NEGR1: variants seen among roughly 807,000 people sequenced by gnomAD.
The protein encoded by NEGR1 is IgLON family member 4.
NEGR1 carries 10 observed loss-of-function variants against 40.9 expected under a neutral mutation model. That is an observed-to-expected ratio of 0.24 (90% confidence interval 0.15 to 0.42). The LOEUF (loss-of-function observed/expected upper bound fraction) is 0.42. Among genes scored for constraint, NEGR1 ranks in the 10% least tolerant of loss-of-function variants. The probability of loss-of-function intolerance (pLI) is 1.00; values close to 1 mark genes in which losing one functional copy is unlikely to be tolerated. For synonymous variants in NEGR1, 185 were observed against 166.8 expected, an observed-to-expected ratio of 1.11 and a Z score of -0.84; for missense variants, 352 against 438.9, an observed-to-expected ratio of 0.80 and a Z score of 1.77.
intron 2 of NEGR1, among the ~76,000 whole-genome samples, chr1:71,777,759 C>A (rs1656562826): frequency 6.6e-6 from 1 of 151,868 alleles, no homozygotes; most frequent in Admixed American, 6.6e-5. Flanking sequence ...TCAAGAAAAT[C>A]AAGAATGATA....
intron 1 of NEGR1, among the ~76,000 whole-genome samples, chr1:72,248,718 G>A (rs969097935): frequency 1.3e-5 from 2 of 150,524 alleles, no homozygotes; most frequent in Non-Finnish European, 1.5e-5. Flanking sequence ...TAGTAGCTGG[G>A]ACTACAGGTG....
intron 1 of NEGR1, among the ~76,000 whole-genome samples, chr1:71,998,790 T>C (rs1396716932): frequency 1.3e-5 from 2 of 151,434 alleles, no homozygotes; most frequent in Non-Finnish European, 3.0e-5. Context: ...GGATGTATTA[T>C]ATAATATTTA....
chr1:71,536,120 T>C (rs1195001530), intron 6 of NEGR1, among the ~76,000 whole-genome samples: 3 of 151,556 alleles, frequency 2.0e-5, no homozygotes, highest in African/African-American at 7.3e-5. Flanking sequence ...CAAAGAAGAA[T>C]GGCATGAGTA....
At chr1:72,060,824 A>G (rs757870871) in intron 1 of NEGR1, among the ~76,000 whole-genome samples, 3 of 151,698 alleles carry the variant, frequency 2.0e-5, no homozygotes, top group Non-Finnish European at 4.4e-5. Context: ...AAGCAGGGCT[A>G]TTTTGACAAG....
chr1:71,585,770 A>T (rs1649286844), intron 6 of NEGR1, among the ~76,000 whole-genome samples: 2 of 151,592 alleles, frequency 1.3e-5, no homozygotes, highest in South Asian at 4.2e-4. Flanking sequence ...TGTAATAAAA[A>T]GGACAATATC....
chr1:71,640,774 G>C (rs1443513772), intron 4 of NEGR1, among the ~76,000 whole-genome samples: 1 of 151,882 alleles, frequency 6.6e-6, no homozygotes, highest in Non-Finnish European at 1.5e-5. Flanking sequence ...ACTCTAACTT[G>C]GAGTGACCAA....
intron 1 of NEGR1, among the ~76,000 whole-genome samples, chr1:71,977,181 C>T (rs1002260181): frequency 7.9e-5 from 12 of 152,004 alleles, no homozygotes; most frequent in African/African-American, 2.9e-4. Context: ...AAAAAATTAG[C>T]TGGGCATGGT....
In NEGR1 at chr1:71,694,606, T is replaced by C. The variant is rs188936672; in HGVS notation, c.667+3402A>G. Among the ~76,000 whole-genome samples the C allele has an allele frequency of 2.6e-5, 4 of 151,830 alleles. No individual in the cohort carries two copies. In the Admixed American group the frequency reaches 2.6e-4, roughly 10 times the overall value. On this transcript the variant is annotated intron_variant, in intron 4 of 6. Coordinates refer to ENST00000357731, the MANE Select transcript of NEGR1 (RefSeq NM_173808.3). The stretch of plus-strand genomic sequence containing the variant: ...GCTAGGTAATTAAATTGAATAGAAA[T>C]CCACAGTGACAGGTATGATGTTATT...
intron 2 of NEGR1, among the ~76,000 whole-genome samples, chr1:71,873,540 T>C (rs535463811): frequency 6.6e-6 from 1 of 152,296 alleles, no homozygotes; most frequent in South Asian, 2.1e-4. Context: ...CCCTAATTCA[T>C]AGCATTATTA....
rs761837398 is a variant in NEGR1, at chr1:71,611,155, GAAAC to G, written c.668-13_668-10del. ...CTGAATAGTAGGAGCAACTGCAAAAGAAACAAACAAACAAATACTAGTAGATAAG... is the reference window on the plus strand; with the variant it reads ...CTGAATAGTAGGAGCAACTGCAAAAGAAACAAACAAATACTAGTAGATAAG... On this transcript the variant is annotated splice_polypyrimidine_tract_variant and intron_variant, in intron 4 of 6. Transcript: ENST00000357731. 1.2e-5 allele frequency: 20 copies of G among 1,611,738 alleles called. No homozygotes were observed. The highest frequency in any genetic ancestry group is 6.7e-5 in the African/African-American group (5 of 74,800).
intron 3 of NEGR1, among the ~76,000 whole-genome samples, chr1:71,724,367 T>C (rs1248600491): frequency 6.6e-6 from 1 of 152,176 alleles, no homozygotes; most frequent in Non-Finnish European, 1.5e-5. Flanking sequence ...GAAATATATT[T>C]CATGCCTTAT....
At chr1:72,256,264 T>C (rs1018802664) in intron 1 of NEGR1, among the ~76,000 whole-genome samples, 1 of 152,204 alleles carries the variant, frequency 6.6e-6, no homozygotes, top group African/African-American at 2.4e-5. Flanking sequence ...CTAAGTGCTC[T>C]TCAGACTAAC....
intron 4 of NEGR1, among the ~76,000 whole-genome samples, chr1:71,690,011 C>A (rs569525012): frequency 9.1e-4 from 138 of 152,134 alleles, no homozygotes; most frequent in African/African-American, 3.1e-3. Flanking sequence ...TGTTTCCCCA[C>A]AATTTGGATG....
At chr1:71,720,109 A>G (rs1654454779) in intron 3 of NEGR1, among the ~76,000 whole-genome samples, 1 of 152,222 alleles carries the variant, frequency 6.6e-6, no homozygotes, top group Non-Finnish European at 1.5e-5. Context: ...AACTATATTG[A>G]AGAAAGATGA....
chr1:71,800,664 C>T (rs576552082), intron 2 of NEGR1, among the ~76,000 whole-genome samples: 64 of 152,110 alleles, frequency 4.2e-4, no homozygotes, highest in Non-Finnish European at 7.4e-4. Context: ...TATGCTTTGC[C>T]TTCTTTGTTA....
At chr1:71,873,310 T>C (rs1451091696) in intron 2 of NEGR1, among the ~76,000 whole-genome samples, 1 of 151,908 alleles carries the variant, frequency 6.6e-6, no homozygotes, top group Non-Finnish European at 1.5e-5. Flanking sequence ...ACATTATCTC[T>C]AAGGCTTGTT....
chr1:71,473,695 A>G (rs1036811665), intron 6 of NEGR1, among the ~76,000 whole-genome samples: 1 of 152,038 alleles, frequency 6.6e-6, no homozygotes, highest in Non-Finnish European at 1.5e-5. Context: ...ATGAACCTGG[A>G]CCTTATGGAT....
chr1:71,617,416 T>C (rs1262307284), intron 4 of NEGR1, among the ~76,000 whole-genome samples: 1 of 152,242 alleles, frequency 6.6e-6, no homozygotes. Context: ...TGCTTGTTTA[T>C]GTGGGATATA....
intron 6 of NEGR1, among the ~76,000 whole-genome samples, chr1:71,450,116 G>A (rs927173969): frequency 1.7e-4 from 25 of 151,476 alleles, no homozygotes; most frequent in African/African-American, 5.8e-4. Context: ...TCAGCCACCT[G>A]AGTAGCTGGG....
Sources: gnomAD v4.1 joint callset for allele counts (sites outside exome capture counted in the v4.1 genomes callset) on GRCh38, gnomAD v4.1.1 for gene constraint, MANE v1.5 for transcripts, NCBI Gene and HGNC (gene_info 2026-07-23, HGNC 2026-07-21) for gene names.